Variants in SLC15A2 observed in about 807,000 individuals in gnomAD.
SLC15A2 encodes kidney H(+)/peptide cotransporter.
A neutral mutation model predicts 95.5 loss-of-function variants in SLC15A2; 77 were observed. The ratio of observed to expected loss-of-function variants is 0.81; its 90% confidence interval spans 0.67 to 0.97. The LOEUF (loss-of-function observed/expected upper bound fraction) is 0.97, where lower values mean the gene tolerates loss of function less well. Among genes scored for constraint, SLC15A2 ranks in the 50% least tolerant of loss-of-function variants. SLC15A2 has a pLI of 0.00. For synonymous variants in SLC15A2, 306 were observed against 306.9 expected (o/e 1.00, Z 0.03); for missense variants, 893 against 874.4 (o/e 1.02, Z -0.27).
intron 1 of SLC15A2, 28 bp downstream of exon 1, chr3:121,894,609 T>C: frequency 1.9e-6 from 3 of 1,552,574 alleles, no homozygotes; most frequent in Non-Finnish European, 2.7e-6. Context: ...ATCCTGCCTC[T>C]GAGAGGAATG....
In SLC15A2 at chr3:121,922,768, G is replaced by A. The variant is rs1285030345; in HGVS notation, c.781-7G>A. 1 of 1,610,828 alleles carries A rather than the reference G, an allele frequency of 6.2e-7. No individual in the cohort carries two copies. The highest frequency in any genetic ancestry group is 1.7e-5 in the Admixed American group (1 of 59,940). On this transcript the variant is annotated splice_polypyrimidine_tract_variant and splice_region_variant and intron_variant, in intron 8 of 21. Coordinates refer to ENST00000489711, the MANE Select transcript of SLC15A2 (RefSeq NM_021082.4). Reference sequence around the variant, plus strand: ...GTCTCTCCCATGATGTCTACTCTCTGCCCTAGTTTGCTATTTCCAATCGTT... The same window carrying A: ...GTCTCTCCCATGATGTCTACTCTCTACCCTAGTTTGCTATTTCCAATCGTT...
intron 20 of SLC15A2, among the ~76,000 whole-genome samples, chr3:121,939,769 C>G (rs1049519529): frequency 2.0e-5 from 3 of 151,972 alleles, no homozygotes; most frequent in African/African-American, 7.2e-5. Flanking sequence ...GGCTGCATGA[C>G]CTATTGTGTA....
intron 8 of SLC15A2, among the ~76,000 whole-genome samples, 180 bp downstream of exon 8, chr3:121,922,482 T>TAA (rs34354261): frequency 2.0e-5 from 3 of 151,854 alleles, no homozygotes; most frequent in African/African-American, 4.8e-5. Context: ...ACCATTAAGT[T>TAA]AAAAAAAGTA....
chr3:121,905,559 C>T (rs961582666), intron 3 of SLC15A2, among the ~76,000 whole-genome samples: 5 of 152,196 alleles, frequency 3.3e-5, no homozygotes, highest in Admixed American at 6.5e-5. Context: ...TCTTTGTTCT[C>T]ATTGGTTTCA....
chr3:121,928,222 A>T (rs1425352254), intron 14 of SLC15A2, 199 bp from the exon 15 acceptor site: 3 of 608,940 alleles, frequency 4.9e-6, no homozygotes, highest in Non-Finnish European at 8.5e-6. Flanking sequence ...GTAAGCTGGC[A>T]TTGGTACTTG....
intron 12 of SLC15A2, 25 bp downstream of exon 12, chr3:121,924,408 G>C: frequency 6.2e-7 from 1 of 1,607,946 alleles, no homozygotes; most frequent in Non-Finnish European, 8.5e-7. Flanking sequence ...TATAGCCATG[G>C]GGACTTATTT....
chr3:121,899,462 T>C (rs1487102460), intron 3 of SLC15A2, among the ~76,000 whole-genome samples: 1 of 152,156 alleles, frequency 6.6e-6, no homozygotes, highest in African/African-American at 2.4e-5. Context: ...CAGGAGCAAA[T>C]CTTTAATAGC....
intron 9 of SLC15A2, 75 bp from the exon 10 acceptor site, chr3:121,922,965 G>A: frequency 6.4e-7 from 1 of 1,555,902 alleles, no homozygotes; most frequent in South Asian, 1.1e-5. Flanking sequence ...CTGTTTTTTG[G>A]ACACTTCTAC....
intron 3 of SLC15A2, among the ~76,000 whole-genome samples, chr3:121,908,178 C>T (rs892902434): frequency 3.3e-5 from 5 of 152,234 alleles, no homozygotes; most frequent in Non-Finnish European, 7.3e-5. Context: ...GGGCATGGGA[C>T]CCACCAAGCC....
rs765146545 is a variant in SLC15A2, at chr3:121,922,292, A to T, written c.770A>T (p.Lys257Ile). The change falls in exon 8 of 22, where the codon AAA becomes ATA. Residue 257 changes from lysine (K) to isoleucine (I), a missense_variant. By Grantham distance (102) the Lys-to-Ile change is moderately radical (BLOSUM62 -3). Transcript: ENST00000489711. Reference protein sequence around the residue: ...PEGNIVAQVFKCIWFAISNRF... With the variant: ...PEGNIVAQVFICIWFAISNRF... ...GGAAACATAGTGGCTCAAGTTTTCA[A>T]ATGTATCTGGGTAAGTCCATAAATT... 1 of 1,613,564 alleles carries T rather than the reference A, an allele frequency of 6.2e-7. No individual in the cohort carries two copies. Among genetic ancestry groups the T allele is most frequent in the South Asian group, 1.1e-5 (1 of 91,042 alleles).
At chr3:121,895,691 AT>A (rs1709402692) in intron 1 of SLC15A2, among the ~76,000 whole-genome samples, 1 of 152,242 alleles carries the variant, frequency 6.6e-6, no homozygotes, top group Non-Finnish European at 1.5e-5. Flanking sequence ...AAAATAAAAC[AT>A]AACATTCCTT....
Position 121,915,220 on chromosome 3 carries a change from G to C in SLC15A2, c.529-7G>C, listed in dbSNP as rs763212351. On this transcript the variant is annotated splice_region_variant and splice_polypyrimidine_tract_variant and intron_variant, in intron 5 of 21. Transcript: ENST00000489711. The stretch of plus-strand genomic sequence containing the variant: ...ATTGCACTGATGATTTATCCTGTTT[G>C]TTTCAGGCAGAGGAACGGACTAGAT... The C allele has an allele frequency of 7.5e-6, 12 of 1,607,942 alleles. No individual in the cohort carries two copies. In the East Asian group the frequency reaches 2.7e-4, roughly 36 times the overall value.
chr3:121,936,259 G>A (rs1576692911), intron 19 of SLC15A2, among the ~76,000 whole-genome samples: 1 of 152,172 alleles, frequency 6.6e-6, no homozygotes, highest in South Asian at 2.1e-4. Flanking sequence ...GGGGTGGAGA[G>A]TTCTGTAGAT....
At chr3:121,924,310 T>C (rs1710067652) in intron 11 of SLC15A2, 41 bp from the exon 12 acceptor site, 1 of 1,581,100 alleles carries the variant, frequency 6.3e-7, no homozygotes, top group Non-Finnish European at 8.7e-7. Flanking sequence ...TTTTTTCTTT[T>C]CTTCAGACAT....
intron 3 of SLC15A2, among the ~76,000 whole-genome samples, chr3:121,907,529 G>A (rs1287715644): frequency 1.3e-5 from 2 of 152,182 alleles, no homozygotes; most frequent in Admixed American, 1.3e-4. Context: ...ACCTACAGAT[G>A]GGGTTTTGGT....
chr3:121,913,859 A>C (rs192157940), intron 5 of SLC15A2, among the ~76,000 whole-genome samples: 9 of 152,004 alleles, frequency 5.9e-5, no homozygotes, highest in African/African-American at 2.2e-4. Flanking sequence ...GTCTGTCTTC[A>C]TGTATCCATT....
intron 4 of SLC15A2, among the ~76,000 whole-genome samples, chr3:121,912,787 A>G (rs1400875184): frequency 6.6e-6 from 1 of 152,150 alleles, no homozygotes; most frequent in Admixed American, 6.5e-5. Flanking sequence ...ACTACCAGGG[A>G]TGAAATCTTC....
Position 121,929,007 on chromosome 3 carries a change from A to G in SLC15A2, c.1367A>G (p.His456Arg), listed in dbSNP as rs769323682. 8 of 1,614,080 alleles carry G rather than the reference A, an allele frequency of 5.0e-6. No individual in the cohort carries two copies. The highest frequency in any genetic ancestry group is 6.8e-6 in the Non-Finnish European group (8 of 1,179,974). ...AAAACACCACACTATTCCAAACTGC[A>G]CCTGAAAACAAAAAGCCAGGATTTT... ...FQKTPHYSKL[H>R]LKTKSQDFHF... The change falls in exon 16 of 22, where the codon CAC becomes CGC. Residue 456 changes from histidine (H) to arginine (R), a missense_variant. His to Arg is a conservative substitution (Grantham distance 29, BLOSUM62 0). Transcript: ENST00000489711.
Position 121,940,447 on chromosome 3 carries a change from A to C in SLC15A2, c.1972A>C (p.Ile658Leu), listed in dbSNP as rs751238512. The C allele has an allele frequency of 2.5e-6, 4 of 1,614,020 alleles. No individual in the cohort carries two copies. In the Admixed American group the frequency reaches 5.0e-5, roughly 20 times the overall value. Residue 658 changes from isoleucine to leucine, a missense_variant, in exon 21 of 22, where the codon ATC becomes CTC. Ile to Leu is a conservative substitution (Grantham distance 5). Coordinates refer to ENST00000489711, the MANE Select transcript of SLC15A2 (RefSeq NM_021082.4). The stretch of plus-strand genomic sequence containing the variant: ...GCTATTGACAATTGCAGTTGGGAAT[A>C]TCATCGTGCTTGTTGTGGCACAGTT... ...AWLLTIAVGN[I>L]IVLVVAQFSG...
Sources: allele counts gnomAD v4.1 joint callset (sites outside exome capture counted in the v4.1 genomes callset), GRCh38; gene constraint gnomAD v4.1.1; transcripts MANE v1.5; gene names NCBI Gene and HGNC (gene_info 2026-07-23, HGNC 2026-07-21).